The following TLN2 variants were observed in gnomAD, a reference collection of about 807,000 sequenced individuals.
TLN2 encodes talin 2.
TLN2 carries 118 observed loss-of-function variants against 294.7 expected under a neutral mutation model. The ratio of observed to expected loss-of-function variants is 0.40; its 90% CI spans 0.34 to 0.47. TLN2 has a LOEUF of 0.47. Ranked by LOEUF, TLN2 falls within the 20% of genes least tolerant of loss-of-function variation. The pLI, the probability that TLN2 is intolerant of heterozygous loss-of-function variation, is 0.84. For synonymous variants in TLN2, 1,431 were observed against 1,304.5 expected (o/e 1.10, Z -2.09); for missense variants, 3,083 against 3,282.2 (o/e 0.94, Z 1.48).
At chr15:62,445,847 AGAGAT>A (rs1478691589) in intron 1 of TLN2, among the ~76,000 whole-genome samples, 2 of 152,110 alleles carry the variant, frequency 1.3e-5, no homozygotes, top group Non-Finnish European at 2.9e-5. Context: ...AATTTCTAGT[AGAGAT>A]GAGGGCTCAC....
intron 9 of TLN2, among the ~76,000 whole-genome samples, chr15:62,662,509 G>C (rs1292613816): frequency 6.6e-6 from 1 of 152,152 alleles, no homozygotes; most frequent in Non-Finnish European, 1.5e-5. Context: ...TATTAACTAA[G>C]TCCAACATGA....
intron 1 of TLN2, among the ~76,000 whole-genome samples, chr15:62,540,337 C>A (rs2041606271): frequency 6.9e-6 from 1 of 145,360 alleles, no homozygotes; most frequent in South Asian, 2.2e-4. Flanking sequence ...GAGACGCCAT[C>A]TTAAAATAAA....
At chr15:62,658,366 C>T (rs1333027546) in intron 9 of TLN2, among the ~76,000 whole-genome samples, 4 of 152,108 alleles carry the variant, frequency 2.6e-5, no homozygotes, top group African/African-American at 9.7e-5. Flanking sequence ...AACGGAGAGG[C>T]TTCTTTGGCC....
At chr15:62,429,288 G>C (rs2034886780) in intron 1 of TLN2, among the ~76,000 whole-genome samples, 4 of 152,184 alleles carry the variant, frequency 2.6e-5, no homozygotes, top group Admixed American at 1.3e-4. Flanking sequence ...TGAGTTTGCT[G>C]TTCTGGGAAG....
At chr15:62,608,916 G>A (rs939123107) in intron 2 of TLN2, among the ~76,000 whole-genome samples, 1 of 151,974 alleles carries the variant, frequency 6.6e-6, no homozygotes, top group African/African-American at 2.4e-5. Flanking sequence ...TGCTGGGGCC[G>A]GACAGAAGTC....
chr15:62,834,806 C>A (rs1416494733), intron 55 of TLN2: 5 of 151,986 alleles, frequency 3.3e-5, no homozygotes, highest in Non-Finnish European at 7.4e-5. Context: ...AAAAAAAAAT[C>A]CTGGTTATTT....
intron 1 of TLN2, among the ~76,000 whole-genome samples, chr15:62,579,414 C>G (rs560037610): frequency 6.6e-6 from 1 of 152,122 alleles, no homozygotes; most frequent in Non-Finnish European, 1.5e-5. Flanking sequence ...TCCTGATTTC[C>G]GCATTATGTA....
intron 9 of TLN2, chr15:62,658,099 A>T (rs945115237): frequency 2.1e-6 from 1 of 473,886 alleles, no homozygotes; most frequent in African/African-American, 2.0e-5. Flanking sequence ...CTTTTGCTGA[A>T]TAGAAATTCA....
chr15:62,450,454 C>CT (rs5813148), intron 1 of TLN2, among the ~76,000 whole-genome samples: 92,066 of 151,156 alleles, frequency 0.61, 29,456 homozygotes, highest in East Asian at 0.99. Context: ...GGGGATTCAG[C>CT]TTTTTTTTAA....
chr15:62,826,397 C>T (rs138039281), intron 54 of TLN2, among the ~76,000 whole-genome samples: 17 of 152,294 alleles, frequency 1.1e-4, no homozygotes, highest in African/African-American at 4.1e-4. Context: ...TGTGGTCCCT[C>T]CCCAGTCACA....
intron 1 of TLN2, among the ~76,000 whole-genome samples, chr15:62,436,194 A>G (rs977720753): frequency 5.9e-5 from 9 of 152,208 alleles, no homozygotes; most frequent in African/African-American, 2.2e-4. Context: ...CCATTGATCT[A>G]TTAGTTCATT....
At chr15:62,729,455 T>C (rs758786036) in intron 28 of TLN2, among the ~76,000 whole-genome samples, 2 of 152,114 alleles carry the variant, frequency 1.3e-5, no homozygotes, top group Non-Finnish European at 2.9e-5. Flanking sequence ...TTGGGGAGAA[T>C]TGACTTCTTT....
intron 2 of TLN2, among the ~76,000 whole-genome samples, chr15:62,600,725 C>G (rs1193699884): frequency 6.6e-6 from 1 of 152,194 alleles, no homozygotes; most frequent in East Asian, 1.9e-4. Flanking sequence ...GCACGTATTA[C>G]CCAAGTCCAA....
intron 1 of TLN2, among the ~76,000 whole-genome samples, chr15:62,583,745 G>T (rs1355221301): frequency 1.3e-5 from 2 of 152,160 alleles, no homozygotes; most frequent in African/African-American, 4.8e-5. Flanking sequence ...AAGGGCTGGG[G>T]ATATGGCTTT....
chr15:62,722,738 C>G (rs2060221324), intron 26 of TLN2, among the ~76,000 whole-genome samples: 1 of 152,180 alleles, frequency 6.6e-6, no homozygotes, highest in African/African-American at 2.4e-5. Flanking sequence ...TCCTCCTCCT[C>G]CTCCTCTTTC....
At chr15:62,831,685 A>C (rs2141245037) in intron 54 of TLN2, 1 of 152,326 alleles carries the variant, frequency 6.6e-6, no homozygotes, top group African/African-American at 2.4e-5. Flanking sequence ...GTCAGCAATA[A>C]GAAAGAATGC....
At chr15:62,604,693 T>TC (rs1420507030) in intron 2 of TLN2, among the ~76,000 whole-genome samples, 1 of 125,738 alleles carries the variant, frequency 8.0e-6, no homozygotes, top group African/African-American at 3.0e-5. Flanking sequence ...CTCTTCGTCT[T>TC]CTTTTTTTTT....
chr15:62,522,182 G>A lies in TLN2; in HGVS notation c.-237-67505G>A, dbSNP rs377579454. Among the ~76,000 whole-genome samples, 5 of 152,272 alleles carry A rather than the reference G, an allele frequency of 3.3e-5. No individual in the cohort carries two copies. In the South Asian group the frequency reaches 8.3e-4, roughly 25 times the overall value. ...TGGATGCACGACTCAAGGGGTTGAC[G>A]CTTAGCTCTTTGACATGTGGTGAGA... On this transcript the variant is annotated intron_variant, in intron 1 of 58. Transcript: ENST00000636159.
At chr15:62,394,022 C>T (rs530862476) in intron 1 of TLN2, among the ~76,000 whole-genome samples, 7 of 152,238 alleles carry the variant, frequency 4.6e-5, no homozygotes, top group East Asian at 3.9e-4. Flanking sequence ...GTGATCCACC[C>T]GCCTCGGCCT....
Sources: gnomAD v4.1 joint callset for allele counts (sites outside exome capture counted in the v4.1 genomes callset) on GRCh38, gnomAD v4.1.1 for gene constraint, MANE v1.5 for transcripts, NCBI Gene and HGNC (gene_info 2026-07-23, HGNC 2026-07-21) for gene names.